The following USP50 variants were observed in gnomAD, a reference collection of about 807,000 sequenced individuals.
USP50 encodes ubiquitin carboxyl-terminal hydrolase 50.
A neutral mutation model predicts 39.2 loss-of-function variants in USP50; 37 were observed. The ratio of observed to expected loss-of-function variants is 0.94; its 90% CI spans 0.73 to 1.24. The LOEUF (loss-of-function observed/expected upper bound fraction) is 1.24. Ranked by LOEUF, USP50 falls within the 50% of genes most tolerant of loss-of-function variation. USP50 has a pLI of 0.00. For missense variants in USP50, 374 were observed against 398.2 expected, an observed-to-expected ratio of 0.94 and a Z score of 0.52; for synonymous variants, 139 against 144.5, an observed-to-expected ratio of 0.96 and a Z score of 0.27.
At chr15:50,509,948 G>T (rs2052716189) in intron 6 of USP50, 2 of 152,068 alleles carry the variant, frequency 1.3e-5, no homozygotes, top group African/African-American at 4.8e-5. Flanking sequence ...ATGACTTAGG[G>T]AATAATGATG....
At chr15:50,542,027 T>G (rs2141380410) in intron 3 of USP50, among the ~76,000 whole-genome samples, 1 of 148,194 alleles carries the variant, frequency 6.7e-6, no homozygotes, top group African/African-American at 2.5e-5. Flanking sequence ...AACAAAATCC[T>G]GTCTCTACAA....
chr15:50,497,731 A>G (rs1566894573), downstream of USP50: 1 of 152,224 alleles, frequency 6.6e-6, no homozygotes, highest in Non-Finnish European at 1.5e-5. Flanking sequence ...AGAGTTATAA[A>G]ACACGAACCA....
intron 6 of USP50, among the ~76,000 whole-genome samples, chr15:50,524,834 A>C (rs1404217838): frequency 6.6e-6 from 1 of 152,132 alleles, no homozygotes; most frequent in African/African-American, 2.4e-5. Flanking sequence ...TGATTGTGCC[A>C]CTGTACTCCA....
At chr15:50,525,570 A>ATATG (rs2052884452) in intron 6 of USP50, among the ~76,000 whole-genome samples, 10 of 65,690 alleles carry the variant, frequency 1.5e-4, no homozygotes, top group African/African-American at 5.1e-4. Context: ...ATATGTATAT[A>ATATG]TGTATATGTA....
At chr15:50,502,331 G>T (rs1011118338) in intron 6 of USP50, 1 of 151,836 alleles carries the variant, frequency 6.6e-6, no homozygotes, top group Non-Finnish European at 1.5e-5. Context: ...GGATGGTCTC[G>T]ATCTCGACCT....
At position 50,532,023 on chromosome 15, in the gene USP50, C is replaced by G. The variant is rs1028518953; in HGVS notation, c.804-2094G>C. 39 of 422,780 alleles carry G rather than the reference C, an allele frequency of 9.2e-5. No homozygotes were observed. The Admixed American group carries it at 1.1e-3, about 11-fold the overall frequency. The allele number at this position is 422,780 out of a possible 1,614,324, so 26.2% of individuals were successfully genotyped here. A position where few individuals can be genotyped will look rare whatever the true frequency, so the allele number is the denominator to read the frequency against. On this transcript the variant is annotated intron_variant, in intron 5 of 6. Transcript: ENST00000532404. ...AATCACAGACTTACCAGAGCCAAAA[C>G]TGCCGAGCAGAAACCTCTGAGGGAA... is the stretch of plus-strand genomic sequence containing the variant.
downstream of USP50, chr15:50,499,006 C>T: frequency 6.2e-7 from 1 of 1,613,944 alleles, no homozygotes; most frequent in Middle Eastern, 1.7e-4. Context: ...TCTGATATCT[C>T]CGTTTCTTCT....
chr15:50,541,843 A>C (rs2053032150), intron 3 of USP50, among the ~76,000 whole-genome samples: 1 of 152,094 alleles, frequency 6.6e-6, no homozygotes, highest in Non-Finnish European at 1.5e-5. Flanking sequence ...AAGAAATCCA[A>C]TCTTTCCTGT....
intron 6 of USP50, among the ~76,000 whole-genome samples, chr15:50,524,624 G>A (rs1011571332): frequency 6.6e-6 from 1 of 152,218 alleles, no homozygotes; most frequent in African/African-American, 2.4e-5. Flanking sequence ...AACAAGTGTT[G>A]GCAAAGATGT....
chr15:50,541,030 A>C lies in USP50; in HGVS notation c.660+19T>G. On this transcript the variant is annotated intron_variant, in intron 4 of 6. Transcript: ENST00000532404. ...GAGAGTATAGCGAGACAAAGTGTCC[A>C]GGAATACTGCATTCCTACCCGAAGG... 1 of 1,595,410 alleles carries C rather than the reference A, an allele frequency of 6.3e-7. No individual in the cohort carries two copies. The highest frequency in any genetic ancestry group is 8.6e-7 in the Non-Finnish European group (1 of 1,163,390).
intron 6 of USP50, chr15:50,501,503 CTTCT>C (rs1361886462): frequency 2.0e-5 from 3 of 149,860 alleles, no homozygotes; most frequent in Non-Finnish European, 4.4e-5. Flanking sequence ...CGTAAGATGG[CTTCT>C]TTTTTTTTTT....
At chr15:50,546,063 G>A (rs955920774) in intron 1 of USP50, among the ~76,000 whole-genome samples, 1 of 151,726 alleles carries the variant, frequency 6.6e-6, no homozygotes, top group Non-Finnish European at 1.5e-5. Context: ...CCTGCACAGA[G>A]CTTCCTCTTA....
chr15:50,494,111 T>A (rs201910907), exon 2 of USP50: 1 of 1,610,342 alleles, frequency 6.2e-7, no homozygotes, highest in East Asian at 2.2e-5. Flanking sequence ...GCAGAAGAAT[T>A]TGGTATAATC....
At chr15:50,530,044 T>G in intron 5 of USP50, 115 bp from the exon 6 acceptor site, 1 of 1,437,342 alleles carries the variant, frequency 7.0e-7, no homozygotes, top group Non-Finnish European at 9.5e-7. Flanking sequence ...CAGTGGCTCA[T>G]GCCTGTAATC....
chr15:50,493,037 A>T, downstream of USP50: 1 of 1,030,602 alleles, frequency 9.7e-7, no homozygotes, highest in Non-Finnish European at 1.5e-6. Context: ...ATTTGTAAAG[A>T]ACAAAAATTT....
chr15:50,518,840 T>A (rs1013080355), intron 6 of USP50, among the ~76,000 whole-genome samples: 1 of 152,108 alleles, frequency 6.6e-6, no homozygotes, highest in Non-Finnish European at 1.5e-5. Context: ...AGCTTCTGCA[T>A]AGCAAAGAAA....
At chr15:50,536,461 C>T (rs569471025) in intron 5 of USP50, among the ~76,000 whole-genome samples, 244 of 152,012 alleles carry the variant, frequency 1.6e-3, no homozygotes, top group African/African-American at 5.6e-3. Context: ...GCCAACATGA[C>T]GAAACCCTGT....
At chr15:50,519,018 G>A (rs1393354772) in intron 6 of USP50, among the ~76,000 whole-genome samples, 1 of 152,166 alleles carries the variant, frequency 6.6e-6, no homozygotes, top group Non-Finnish European at 1.5e-5. Context: ...CAGGCGTGGT[G>A]GCTCACACCT....
At chr15:50,517,186 G>A (rs1049810049) in intron 6 of USP50, among the ~76,000 whole-genome samples, 11 of 152,088 alleles carry the variant, frequency 7.2e-5, no homozygotes, top group Admixed American at 4.6e-4. Flanking sequence ...AAATGTAAGC[G>A]GAGGCCAGGT....
Sources: gnomAD v4.1 joint callset for allele counts (sites outside exome capture counted in the v4.1 genomes callset) on GRCh38, gnomAD v4.1.1 for gene constraint, MANE v1.5 for transcripts, NCBI Gene and HGNC (gene_info 2026-07-23, HGNC 2026-07-21) for gene names.